Variants in CNTN5 observed in about 807,000 individuals in gnomAD.
CNTN5 encodes contactin 5, also known as contactin-5.
Under a neutral mutation model 129.1 loss-of-function variants are expected in CNTN5, and 77 were observed. The observed-to-expected ratio is 0.60, with a 90% CI of 0.50 to 0.72. CNTN5 has a LOEUF of 0.72. CNTN5 is among the 30% of genes least tolerant of loss of function. CNTN5 has a pLI of 0.00. For synonymous variants in CNTN5, 509 were observed against 465.6 expected (o/e 1.09, Z -1.20); for missense variants, 1,478 against 1,328.8 (o/e 1.11, Z -1.75).
At chr11:100,257,480 C>A (rs959441123) in intron 17 of CNTN5, among the ~76,000 whole-genome samples, 8 of 152,162 alleles carry the variant, frequency 5.3e-5, no homozygotes, top group Non-Finnish European at 1.0e-4. Context: ...GACCCCCATG[C>A]CTCCTGACTG....
At chr11:99,568,894 C>T (rs1221475137) in intron 3 of CNTN5, among the ~76,000 whole-genome samples, 1 of 152,108 alleles carries the variant, frequency 6.6e-6, no homozygotes, top group African/African-American at 2.4e-5. Flanking sequence ...AGACATCAAC[C>T]AGAAGATTTT....
intron 7 of CNTN5, among the ~76,000 whole-genome samples, chr11:99,927,199 A>T (rs1322612763): frequency 6.6e-6 from 1 of 152,156 alleles, no homozygotes; most frequent in African/African-American, 2.4e-5. Context: ...TTTACATTTT[A>T]TGTATCCTAT....
intron 15 of CNTN5, among the ~76,000 whole-genome samples, chr11:100,217,183 A>G (rs188690876): frequency 6.6e-6 from 1 of 152,302 alleles, no homozygotes; most frequent in East Asian, 1.9e-4. Flanking sequence ...TCAAAGCCAT[A>G]ATTTATCTTT....
intron 1 of CNTN5, among the ~76,000 whole-genome samples, chr11:99,324,521 A>G (rs946568243): frequency 6.6e-6 from 1 of 152,208 alleles, no homozygotes; most frequent in African/African-American, 2.4e-5. Context: ...CTTATTTGAA[A>G]TATATGTATG....
intron 3 of CNTN5, among the ~76,000 whole-genome samples, chr11:99,562,039 G>A (rs929392690): frequency 1.3e-5 from 2 of 152,140 alleles, no homozygotes; most frequent in East Asian, 3.9e-4. Flanking sequence ...GCTCTGAGAA[G>A]TTGCCCTTTT....
intron 3 of CNTN5, among the ~76,000 whole-genome samples, chr11:99,739,190 A>G (rs1425432073): frequency 1.3e-5 from 2 of 152,176 alleles, no homozygotes; most frequent in Non-Finnish European, 2.9e-5. Flanking sequence ...TCCCTTATGA[A>G]CTTTAAAAGT....
At chr11:100,149,946 C>A (rs1169827036) in intron 13 of CNTN5, among the ~76,000 whole-genome samples, 3 of 151,218 alleles carry the variant, frequency 2.0e-5, no homozygotes, top group African/African-American at 7.3e-5. Flanking sequence ...GGGTAGAGCT[C>A]TTCTCAAAAT....
At chr11:100,132,596 T>A (rs189612142) in intron 13 of CNTN5, among the ~76,000 whole-genome samples, 75 of 152,276 alleles carry the variant, frequency 4.9e-4, no homozygotes, top group Non-Finnish European at 9.1e-4. Context: ...ATTGTTGAAA[T>A]AAGCTTGCTA....
Position 99,035,162 on chromosome 11 carries a change from C to T in CNTN5, c.-210+13892C>T, listed in dbSNP as rs1313626283. On this transcript the variant is annotated intron_variant, in intron 1 of 24. Transcript: ENST00000524871. ...GTTTGTTATAATTTCTGTTCTTTTA[C>T]ATTTGCCGAGGAGAGCTTTACTTCC... Among the ~76,000 whole-genome samples the T allele has an allele frequency of 3.1e-4, 47 of 151,686 alleles. No individual in the cohort carries two copies. The Middle Eastern group carries it at 0.014, about 44-fold the overall frequency.
intron 18 of CNTN5, among the ~76,000 whole-genome samples, chr11:100,288,629 A>G (rs1474901394): frequency 6.6e-6 from 1 of 152,072 alleles, no homozygotes; most frequent in Non-Finnish European, 1.5e-5. Flanking sequence ...GGAAATTTAT[A>G]GCACTAAATG....
chr11:100,086,705 A>G (rs1286413858), intron 13 of CNTN5, among the ~76,000 whole-genome samples: 3 of 151,650 alleles, frequency 2.0e-5, no homozygotes, highest in African/African-American at 7.2e-5. Context: ...AATAAATAGC[A>G]AAGTTGAAAG....
intron 3 of CNTN5, among the ~76,000 whole-genome samples, chr11:99,671,148 G>GT (rs1555071209): frequency 4.8e-5 from 6 of 125,674 alleles, no homozygotes; most frequent in African/African-American, 2.0e-4. Flanking sequence ...TGTAGATTGA[G>GT]TTTTTTTTTT....
At chr11:99,738,616 CGTGTGTGTGT>C (rs113729274) in intron 3 of CNTN5, among the ~76,000 whole-genome samples, 2 of 143,210 alleles carry the variant, frequency 1.4e-5, no homozygotes, top group East Asian at 2.1e-4. Flanking sequence ...AAGACAGTAA[CGTGTGTGTGT>C]GTGTGTGTGT....
At chr11:99,592,996 G>T (rs1260857964) in intron 3 of CNTN5, among the ~76,000 whole-genome samples, 2 of 152,110 alleles carry the variant, frequency 1.3e-5, no homozygotes, top group African/African-American at 4.8e-5. Flanking sequence ...AATGGTAATA[G>T]ATATGACAAC....
At chr11:100,318,181 C>G (rs1157387992) in intron 21 of CNTN5, among the ~76,000 whole-genome samples, 1 of 139,880 alleles carries the variant, frequency 7.1e-6, no homozygotes, top group Admixed American at 7.9e-5. Context: ...GCCGAACTTG[C>G]AGTGAGCCGA....
intron 3 of CNTN5, among the ~76,000 whole-genome samples, chr11:99,664,519 C>T (rs770297032): frequency 1.5e-3 from 227 of 152,234 alleles, no homozygotes; most frequent in Non-Finnish European, 2.3e-3. Flanking sequence ...AATTCTTGTT[C>T]TAGAAATACA....
intron 1 of CNTN5, among the ~76,000 whole-genome samples, chr11:99,274,622 T>C (rs1280251549): frequency 6.6e-6 from 1 of 151,560 alleles, no homozygotes; most frequent in Non-Finnish European, 1.5e-5. Flanking sequence ...ATCTTGAGAT[T>C]AGTATATCAA....
intron 2 of CNTN5, among the ~76,000 whole-genome samples, chr11:99,493,902 G>A (rs189943692): frequency 3.3e-5 from 5 of 152,048 alleles, no homozygotes; most frequent in African/African-American, 1.2e-4. Flanking sequence ...AACTTCAAAA[G>A]CAATCTATAT....
At chr11:100,343,679 A>G (rs1399673846) in intron 23 of CNTN5, among the ~76,000 whole-genome samples, 2 of 152,172 alleles carry the variant, frequency 1.3e-5, no homozygotes, top group East Asian at 3.9e-4. Flanking sequence ...ATGACGTTGA[A>G]GACAGCTACT....
Sources: allele counts gnomAD v4.1 joint callset (sites outside exome capture counted in the v4.1 genomes callset), GRCh38; gene constraint gnomAD v4.1.1; transcripts MANE v1.5; gene names NCBI Gene and HGNC (gene_info 2026-07-23, HGNC 2026-07-21).